KCNAB1: variants seen among roughly 807,000 people sequenced by gnomAD.
The protein encoded by KCNAB1 is voltage-gated potassium channel subunit beta-1.
Under a neutral mutation model 64.6 loss-of-function variants are expected in KCNAB1, and 35 were observed. The ratio of observed to expected loss-of-function variants is 0.54; its 90% CI spans 0.41 to 0.72. The LOEUF (loss-of-function observed/expected upper bound fraction) is 0.72. Ranked by LOEUF, KCNAB1 falls within the 30% of genes least tolerant of loss-of-function variation. The pLI is 0.00. For missense variants in KCNAB1, 401 were observed against 512.9 expected, an observed-to-expected ratio of 0.78 and a Z score of 2.11; for synonymous variants, 177 against 183.8, an observed-to-expected ratio of 0.96 and a Z score of 0.30.
chr3:156,169,788 G>A (rs556108901), intron 1 of KCNAB1, among the ~76,000 whole-genome samples: 3 of 152,216 alleles, frequency 2.0e-5, no homozygotes, highest in African/African-American at 4.8e-5. Flanking sequence ...CTTTCCCTTC[G>A]CCTTCGGCCA....
chr3:156,195,547 C>T (rs1315145774), intron 1 of KCNAB1, among the ~76,000 whole-genome samples: 1 of 152,142 alleles, frequency 6.6e-6, no homozygotes, highest in Non-Finnish European at 1.5e-5. Context: ...TCATGATGAG[C>T]TTTTGTTTCA....
intron 2 of KCNAB1, among the ~76,000 whole-genome samples, chr3:156,447,579 A>G (rs991113560): frequency 6.6e-6 from 1 of 152,226 alleles, no homozygotes; most frequent in African/African-American, 2.4e-5. Flanking sequence ...AACCTGCACT[A>G]TAGAATTTTA....
intron 1 of KCNAB1, among the ~76,000 whole-genome samples, chr3:156,418,980 T>A (rs1414822356): frequency 6.6e-6 from 1 of 152,184 alleles, no homozygotes; most frequent in Non-Finnish European, 1.5e-5. Context: ...AGAAAGGCCA[T>A]CTTGGGCGTT....
intron 8 of KCNAB1, among the ~76,000 whole-genome samples, chr3:156,476,908 A>G (rs892693721): frequency 6.6e-6 from 1 of 152,122 alleles, no homozygotes; most frequent in Non-Finnish European, 1.5e-5. Flanking sequence ...CCTAGTGACT[A>G]TTTTCCTCTT....
intron 1 of KCNAB1, among the ~76,000 whole-genome samples, chr3:156,238,421 CAAAAAAAAAAAAA>C (rs745633828): frequency 2.8e-5 from 2 of 71,802 alleles, no homozygotes; most frequent in African/African-American, 4.9e-5. Flanking sequence ...GACTTGGTCT[CAAAAAAAAAAAAA>C]AAAAAAAAGG....
chr3:156,523,331 T>A (rs367682312), intron 11 of KCNAB1, among the ~76,000 whole-genome samples: 1 of 152,168 alleles, frequency 6.6e-6, no homozygotes, highest in Admixed American at 6.5e-5. Context: ...AATAAGAGAT[T>A]AGCAGTGAAT....
At chr3:156,247,883 T>C (rs987095309) in intron 1 of KCNAB1, among the ~76,000 whole-genome samples, 3 of 151,952 alleles carry the variant, frequency 2.0e-5, no homozygotes, top group African/African-American at 7.3e-5. Context: ...TCTTTTTTTT[T>C]GTGTCACCAG....
intron 1 of KCNAB1, among the ~76,000 whole-genome samples, chr3:156,329,899 T>C (rs993484559): frequency 2.0e-5 from 3 of 152,188 alleles, no homozygotes; most frequent in Non-Finnish European, 4.4e-5. Context: ...CTTTCCTTTT[T>C]CAACACTTGC....
intron 3 of KCNAB1, among the ~76,000 whole-genome samples, chr3:156,454,669 T>C (rs1712256885): frequency 6.6e-6 from 1 of 152,288 alleles, no homozygotes; most frequent in East Asian, 1.9e-4. Context: ...GCACAGGCTA[T>C]GGACTTGAAG....
intron 1 of KCNAB1, among the ~76,000 whole-genome samples, chr3:156,311,489 T>A (rs1176266807): frequency 6.6e-6 from 1 of 151,840 alleles, no homozygotes; most frequent in South Asian, 2.1e-4. Flanking sequence ...GTGAATGAAG[T>A]GGGGAGAACA....
chr3:156,538,936 C>CAAAT (rs1324688173), downstream of KCNAB1: 2 of 152,278 alleles, frequency 1.3e-5, no homozygotes, highest in Non-Finnish European at 2.9e-5. Context: ...AAATCAAAAC[C>CAAAT]AAATATAAAT....
chr3:156,295,806 C>G (rs144473931), intron 1 of KCNAB1, among the ~76,000 whole-genome samples: 2,229 of 152,124 alleles, frequency 0.015, 21 homozygotes, highest in South Asian at 0.035. Flanking sequence ...ATGATCAAGT[C>G]AGGGTATTTA....
At chr3:156,291,578 C>T (rs1048361852) in intron 1 of KCNAB1, 5 of 1,217,248 alleles carry the variant, frequency 4.1e-6, no homozygotes, top group African/African-American at 1.6e-5. Context: ...AAAAACCTCC[C>T]CCACTGCATG....
chr3:156,533,786 T>C (rs1044950436), intron 13 of KCNAB1, among the ~76,000 whole-genome samples: 1 of 151,988 alleles, frequency 6.6e-6, no homozygotes, highest in Admixed American at 6.6e-5. Context: ...ATTGAGGATT[T>C]TTATCATGCT....
intron 1 of KCNAB1, among the ~76,000 whole-genome samples, chr3:156,190,366 T>C (rs1362589028): frequency 6.6e-6 from 1 of 152,186 alleles, no homozygotes; most frequent in Non-Finnish European, 1.5e-5. Context: ...AATTGCATCC[T>C]TCATTTGTAG....
At chr3:156,171,187 GCACACATACACA>G (rs1163970275) in intron 1 of KCNAB1, among the ~76,000 whole-genome samples, 41 of 142,816 alleles carry the variant, frequency 2.9e-4, no homozygotes, top group South Asian at 2.0e-3. Flanking sequence ...GAAACTTCAC[GCACACATACACA>G]CACACACACA....
rs368844235 is a variant in KCNAB1, at chr3:156,465,656, A to G, written c.541A>G (p.Arg181Gly). The change falls in exon 7 of 14, where the codon AGA becomes GGA. Residue 181 changes from arginine (R) to glycine (G), a missense_variant. Transcript: ENST00000490337. The stretch of plus-strand genomic sequence containing the variant: ...TTTTCTTGGCAGAGCTGAAACAGAA[A>G]GAGGGCTGTCAAGAAAGCATATTAT... Reference protein sequence around the residue: ...LYWGGKAETERGLSRKHIIEG... With the variant: ...LYWGGKAETEGGLSRKHIIEG... The G allele has an allele frequency of 6.2e-7, 1 of 1,613,494 alleles. No individual in the cohort carries two copies. Among genetic ancestry groups the G allele is most frequent in the Admixed American group, 1.7e-5 (1 of 60,004 alleles).
At chr3:156,242,784 T>C (rs1717231906) in intron 1 of KCNAB1, among the ~76,000 whole-genome samples, 1 of 149,172 alleles carries the variant, frequency 6.7e-6, no homozygotes. Flanking sequence ...TCTCTATTTT[T>C]TCAAGTTTTT....
At chr3:156,439,048 T>C (rs9867471) in intron 2 of KCNAB1, among the ~76,000 whole-genome samples, 100,639 of 151,342 alleles carry the variant, frequency 0.66, 33,730 homozygotes, top group East Asian at 0.76. Flanking sequence ...AAAACCAGGA[T>C]AGACTATGTC....
Sources: gnomAD v4.1 joint callset for allele counts (sites outside exome capture counted in the v4.1 genomes callset) on GRCh38, gnomAD v4.1.1 for gene constraint, MANE v1.5 for transcripts, NCBI Gene and HGNC (gene_info 2026-07-23, HGNC 2026-07-21) for gene names.